CHN2: variants seen among roughly 807,000 people sequenced by gnomAD.
The protein encoded by CHN2 is chimerin 2.
In CHN2, 35 loss-of-function variants were observed where a neutral mutation model predicts 56.3. The observed-to-expected ratio is 0.62, with a 90% CI of 0.47 to 0.82. CHN2 has a LOEUF of 0.82. Among genes scored for constraint, CHN2 ranks in the 40% least tolerant of loss-of-function variants. The pLI is 0.00. For synonymous variants in CHN2, 210 were observed against 212.8 expected (o/e 0.99, Z 0.12); for missense variants, 491 against 580.5 (o/e 0.85, Z 1.58).
At chr7:29,297,755 T>G (rs1793303715) in intron 1 of CHN2, among the ~76,000 whole-genome samples, 1 of 151,622 alleles carries the variant, frequency 6.6e-6, no homozygotes, top group Non-Finnish European at 1.5e-5. Context: ...GCTTGGGAAA[T>G]TAACCTTTCC....
intron 2 of CHN2, among the ~76,000 whole-genome samples, chr7:29,365,235 C>T (rs1799059611): frequency 6.6e-6 from 1 of 152,212 alleles, no homozygotes; most frequent in Non-Finnish European, 1.5e-5. Context: ...TTGGGCCTCT[C>T]ACTAAAGCTG....
intron 3 of CHN2, among the ~76,000 whole-genome samples, chr7:29,371,324 G>A (rs1799594404): frequency 6.6e-6 from 1 of 152,188 alleles, no homozygotes; most frequent in Non-Finnish European, 1.5e-5. Flanking sequence ...AACAGCTCTG[G>A]CGCCAATTAA....
At chr7:29,186,189 G>A (rs531808968) in intron 2 of CHN2, among the ~76,000 whole-genome samples, 2 of 152,186 alleles carry the variant, frequency 1.3e-5, no homozygotes, top group African/African-American at 4.8e-5. Flanking sequence ...GGGCCCTTGG[G>A]GTCAGGAGTA....
chr7:29,176,002 C>T (rs559601592), intron 2 of CHN2, among the ~76,000 whole-genome samples: 13 of 151,972 alleles, frequency 8.6e-5, no homozygotes, highest in African/African-American at 1.2e-4. Flanking sequence ...CTGACTAACA[C>T]GGTGAAACCC....
chr7:29,307,452 T>C lies in CHN2; in HGVS notation c.50-47173T>C, dbSNP rs149220436. On this transcript the variant is annotated intron_variant, in intron 1 of 12. Coordinates refer to ENST00000222792, the MANE Select transcript of CHN2 (RefSeq NM_004067.4). Reference sequence around the variant, plus strand: ...ATAATGGTCCCTGCAAACATGTCTCTGTTCTAATGTCTGGACCCTGTGAAT... The same window carrying C: ...ATAATGGTCCCTGCAAACATGTCTCCGTTCTAATGTCTGGACCCTGTGAAT... Among the ~76,000 whole-genome samples, 4 of 152,352 alleles carry C rather than the reference T, an allele frequency of 2.6e-5. No individual in the cohort carries two copies. The Middle Eastern group carries it at 0.01, about 389-fold the overall frequency.
intron 2 of CHN2, among the ~76,000 whole-genome samples, chr7:29,186,252 G>T (rs1798690196): frequency 6.8e-6 from 1 of 146,452 alleles, no homozygotes; most frequent in Admixed American, 6.7e-5. Context: ...TATGTTTTAG[G>T]CAAAAAAAAA....
intron 1 of CHN2, among the ~76,000 whole-genome samples, chr7:29,321,347 G>T (rs920910725): frequency 6.6e-6 from 1 of 152,008 alleles, no homozygotes; most frequent in Non-Finnish European, 1.5e-5. Context: ...GCCAGGGACC[G>T]GGCACTAATA....
chr7:29,283,973 A>T (rs1193432391), intron 1 of CHN2, among the ~76,000 whole-genome samples: 2 of 115,600 alleles, frequency 1.7e-5, no homozygotes, highest in Non-Finnish European at 3.3e-5. Context: ...CTCACTCTGG[A>T]GTGGCTCACT....
chr7:29,356,080 G>C (rs1270683804), intron 2 of CHN2, among the ~76,000 whole-genome samples: 1 of 151,958 alleles, frequency 6.6e-6, no homozygotes, highest in East Asian at 1.9e-4. Context: ...ACCACACCAG[G>C]CCTATGTAGA....
chr7:29,445,788 G>A (rs766735520), intron 6 of CHN2, among the ~76,000 whole-genome samples: 1 of 151,784 alleles, frequency 6.6e-6, no homozygotes, highest in East Asian at 1.9e-4. Context: ...AAATTCTATA[G>A]CATTTTCTAA....
At chr7:29,298,139 T>C (rs968495778) in intron 1 of CHN2, among the ~76,000 whole-genome samples, 22 of 152,218 alleles carry the variant, frequency 1.4e-4, no homozygotes, top group African/African-American at 5.1e-4. Flanking sequence ...CTCTCACTTA[T>C]GTTTCTATCC....
intron 6 of CHN2, among the ~76,000 whole-genome samples, chr7:29,459,491 T>C (rs1784995960): frequency 6.6e-6 from 1 of 152,144 alleles, no homozygotes; most frequent in Non-Finnish European, 1.5e-5. Flanking sequence ...TGCAGGTTGT[T>C]CATGAGATAA....
At chr7:29,163,419 T>C (rs1440125985) in intron 2 of CHN2, among the ~76,000 whole-genome samples, 1 of 152,160 alleles carries the variant, frequency 6.6e-6, no homozygotes. Context: ...TAATTTAAAA[T>C]TACATATGTG....
At chr7:29,196,068 G>A (rs1783688179) in intron 1 of CHN2, among the ~76,000 whole-genome samples, 1 of 152,150 alleles carries the variant, frequency 6.6e-6, no homozygotes, top group Non-Finnish European at 1.5e-5. Context: ...GTCCCATTGG[G>A]CTGTTTTTAT....
At chr7:29,247,029 A>T (rs529594299) in intron 1 of CHN2, among the ~76,000 whole-genome samples, 3 of 152,260 alleles carry the variant, frequency 2.0e-5, no homozygotes, top group African/African-American at 7.2e-5. Flanking sequence ...CTTGTATTGT[A>T]TGAGATCAGA....
chr7:29,210,431 ACACACACACCGTG>A (rs141379147), intron 1 of CHN2, among the ~76,000 whole-genome samples: 2,184 of 151,870 alleles, frequency 0.014, 70 homozygotes, highest in African/African-American at 0.05. Context: ...CACACACCCC[ACACACACACCGTG>A]CACACACCAA....
chr7:29,442,332 T>A (rs1585406807), intron 6 of CHN2, among the ~76,000 whole-genome samples: 1 of 152,122 alleles, frequency 6.6e-6, no homozygotes, highest in South Asian at 2.1e-4. Flanking sequence ...AAAGCTATAG[T>A]GGTGTATGTG....
chr7:29,253,380 C>A (rs958371611), intron 1 of CHN2, among the ~76,000 whole-genome samples: 1 of 152,212 alleles, frequency 6.6e-6, no homozygotes, highest in Non-Finnish European at 1.5e-5. Flanking sequence ...CAAAACTTTT[C>A]CAGAAATCCT....
chr7:29,497,395 T>C (rs868502386), intron 8 of CHN2, among the ~76,000 whole-genome samples: 1 of 152,204 alleles, frequency 6.6e-6, no homozygotes, highest in African/African-American at 2.4e-5. Context: ...GTCAATATTA[T>C]GAGAACAAAA....
Sources: gnomAD v4.1 joint callset for allele counts (sites outside exome capture counted in the v4.1 genomes callset) on GRCh38, gnomAD v4.1.1 for gene constraint, MANE v1.5 for transcripts, NCBI Gene and HGNC (gene_info 2026-07-23, HGNC 2026-07-21) for gene names.